TBC1D8B: variants seen among roughly 807,000 people sequenced by gnomAD.
TBC1D8B encodes the protein TBC1 domain family member 8B.
TBC1D8B carries 75 observed loss-of-function variants against 82.9 expected under a neutral mutation model. That is an observed-to-expected ratio of 0.90 (90% confidence interval 0.75 to 1.10). TBC1D8B has a LOEUF of 1.10. TBC1D8B is among the 50% of genes least tolerant of loss of function. The pLI, the probability that TBC1D8B is intolerant of heterozygous loss-of-function variation, is 0.00. For missense variants in TBC1D8B, 794 were observed against 796.9 expected (o/e 1.00, Z 0.04); for synonymous variants, 276 against 276.8 (o/e 1.00, Z 0.03).
rs1932827549 is a variant in TBC1D8B at position 106,868,437 on chromosome X, C to T, written c.2773C>T (p.Leu925Phe). 3 of 1,001,977 alleles carry T rather than the reference C, an allele frequency of 3.0e-6. No individual in the cohort carries two copies. Among genetic ancestry groups the T allele is most frequent in the Non-Finnish European group, 2.6e-6 (2 of 781,640 alleles). The allele number at this position is 1,001,977 out of a possible 1,213,427, so 82.6% of individuals were successfully genotyped here. A position where few individuals can be genotyped will look rare whatever the true frequency, so the allele number is the denominator to read the frequency against. ...KSKDASKGDE[L>F]SKEELLYFSQ... Reference sequence around the variant, plus strand: ...TAAGGATGCTTCAAAAGGAGATGAACTTTCCAAGGAAGAATTACTTTATTT... The same window carrying T: ...TAAGGATGCTTCAAAAGGAGATGAATTTTCCAAGGAAGAATTACTTTATTT... Residue 925 changes from leucine to phenylalanine, a missense_variant, in exon 18 of 21, where the codon CTT becomes TTT. Leu to Phe is a conservative substitution (Grantham distance 22, BLOSUM62 0). Coordinates refer to ENST00000357242, the MANE Select transcript of TBC1D8B (RefSeq NM_017752.3).
At chrX:106,818,797 A>G (rs758592972) in intron 2 of TBC1D8B, 24 bp downstream of exon 2, 37 of 1,098,508 alleles carry the variant, frequency 3.4e-5, no homozygotes, top group Non-Finnish European at 4.6e-5. Context: ...TTAAAACATA[A>G]TTCAAATTAA....
intron 7 of TBC1D8B, 23 bp from the exon 8 acceptor site, chrX:106,839,285 C>A: frequency 9.0e-7 from 1 of 1,116,796 alleles, no homozygotes; most frequent in African/African-American, 1.8e-5. Flanking sequence ...GCATCTGGGA[C>A]AACTACATTC....
Position 106,808,658 on chromosome X carries a change from G to A in TBC1D8B, c.130+5675G>A, listed in dbSNP as rs778261419. Among the ~76,000 whole-genome samples, 8 of 112,163 alleles carry A rather than the reference G, an allele frequency of 7.1e-5. No homozygotes were observed. The South Asian group carries it at 2.3e-3, about 32-fold the overall frequency. On this transcript the variant is annotated intron_variant, in intron 1 of 20. Transcript: ENST00000357242. ...CATCATTTCCTTTTGATCTGTCATCGCCCAAAACCTGGAAGTTCTCAAACA... is the reference window on the plus strand; with the variant it reads ...CATCATTTCCTTTTGATCTGTCATCACCCAAAACCTGGAAGTTCTCAAACA...
chrX:106,811,136 G>C (rs1931356751), intron 1 of TBC1D8B, among the ~76,000 whole-genome samples: 1 of 111,934 alleles, frequency 8.9e-6, no homozygotes, highest in African/African-American at 3.3e-5. Flanking sequence ...CTTGATTTCA[G>C]AGAATAAAAT....
chrX:106,818,751 A>T lies in TBC1D8B; in HGVS notation c.219A>T (p.Gln73His). The change falls in exon 2 of 21, where the codon CAA becomes CAT. Residue 73 changes from glutamine to histidine, a missense_variant. Coordinates refer to ENST00000357242, the MANE Select transcript of TBC1D8B (RefSeq NM_017752.3). ...FRILHQTPDS[Q>H]VYLSIACGAN... Reference sequence around the variant, plus strand: ...TCCTACACCAGACACCAGATTCTCAAGTTTACTTGTCAATTGCATGTGGTG... The same window carrying T: ...TCCTACACCAGACACCAGATTCTCATGTTTACTTGTCAATTGCATGTGGTG... 8.3e-7 allele frequency: 1 copy of T among 1,203,708 alleles called. No homozygotes were observed. The highest frequency in any genetic ancestry group is 1.1e-6 in the Non-Finnish European group (1 of 889,758).
intron 2 of TBC1D8B, among the ~76,000 whole-genome samples, chrX:106,819,529 ATATAT>A (rs1333701484): frequency 9.0e-6 from 1 of 111,222 alleles, no homozygotes; most frequent in Non-Finnish European, 1.9e-5. Flanking sequence ...TCTAAAGTAG[ATATAT>A]TATAATTTTT....
At chrX:106,852,004 T>G (rs1179778451) in intron 12 of TBC1D8B, among the ~76,000 whole-genome samples, 1 of 109,794 alleles carries the variant, frequency 9.1e-6, no homozygotes, top group African/African-American at 3.3e-5. Flanking sequence ...ACTTCCACAA[T>G]GGTTGAACTA....
intron 7 of TBC1D8B, among the ~76,000 whole-genome samples, chrX:106,830,454 C>T (rs1275139021): frequency 9.0e-6 from 1 of 111,119 alleles, no homozygotes; most frequent in East Asian, 2.8e-4. Context: ...GGTATATACC[C>T]AAAGGACTAT....
Position 106,874,127 on chromosome X carries a change from T to C in TBC1D8B, c.*162T>C, listed in dbSNP as rs745693329. 89 of 426,593 alleles carry C rather than the reference T, an allele frequency of 2.1e-4. No individual in the cohort carries two copies. The highest frequency in any genetic ancestry group is 4.6e-4 in the Middle Eastern group (1 of 2,179). The allele number at this position is 426,593 out of a possible 1,213,427, so 35.2% of individuals were successfully genotyped here. A position where few individuals can be genotyped will look rare whatever the true frequency, so the allele number is the denominator to read the frequency against. On this transcript the variant is annotated 3_prime_UTR_variant, in exon 21 of 21. Coordinates refer to ENST00000357242, the MANE Select transcript of TBC1D8B (RefSeq NM_017752.3). ...TGCATCATTCCTTTGTTGTTGATAATGGGCTTTGTTAGCACTTTTTAAAAC... is the reference window on the plus strand; with the variant it reads ...TGCATCATTCCTTTGTTGTTGATAACGGGCTTTGTTAGCACTTTTTAAAAC...
intron 20 of TBC1D8B, among the ~76,000 whole-genome samples, chrX:106,871,800 C>T (rs1263875119): frequency 1.8e-5 from 2 of 111,968 alleles, no homozygotes; most frequent in East Asian, 5.6e-4. Context: ...ACTTACAGAA[C>T]TCAGAGAAAT....
chrX:106,846,791 T>C (rs1433638709), intron 10 of TBC1D8B, among the ~76,000 whole-genome samples: 6 of 111,600 alleles, frequency 5.4e-5, no homozygotes, highest in African/African-American at 1.6e-4. Context: ...TATGAAAGTA[T>C]AAAAATGAGC....
chrX:106,867,853 C>T (rs1932824262), intron 17 of TBC1D8B, among the ~76,000 whole-genome samples: 1 of 111,061 alleles, frequency 9.0e-6, no homozygotes, highest in Non-Finnish European at 1.9e-5. Flanking sequence ...AGACAAATCA[C>T]CTAAAAATTT....
intron 13 of TBC1D8B, among the ~76,000 whole-genome samples, chrX:106,853,865 C>T (rs1003678497): frequency 8.9e-5 from 10 of 111,981 alleles, no homozygotes; most frequent in Non-Finnish European, 1.1e-4. Flanking sequence ...ATTAAATTCA[C>T]TTGCTTTCAC....
intron 8 of TBC1D8B, 24 bp downstream of exon 8, chrX:106,839,481 C>T: frequency 9.0e-7 from 1 of 1,106,670 alleles, no homozygotes; most frequent in Non-Finnish European, 1.2e-6. Flanking sequence ...ATATTTAAAC[C>T]TATGGGCTGA....
intron 19 of TBC1D8B, among the ~76,000 whole-genome samples, chrX:106,870,175 C>T (rs1260748697): frequency 3.6e-5 from 4 of 110,973 alleles, no homozygotes; most frequent in East Asian, 2.8e-4. Flanking sequence ...GGACTACAGG[C>T]GCCCACCACC....
chrX:106,852,522 T>A (rs1932611464), intron 12 of TBC1D8B, among the ~76,000 whole-genome samples: 1 of 111,790 alleles, frequency 8.9e-6, no homozygotes, highest in South Asian at 3.8e-4. Context: ...TTGCCTAGGT[T>A]TTCTTCTAGG....
At chrX:106,819,252 T>G (rs1931632238) in intron 2 of TBC1D8B, among the ~76,000 whole-genome samples, 1 of 111,281 alleles carries the variant, frequency 9.0e-6, no homozygotes, top group Admixed American at 9.6e-5. Flanking sequence ...CATCATATCC[T>G]TGAAATATGA....
intron 14 of TBC1D8B, among the ~76,000 whole-genome samples, chrX:106,859,006 A>G (rs1401467534): frequency 8.9e-6 from 1 of 111,891 alleles, no homozygotes; most frequent in Non-Finnish European, 1.9e-5. Context: ...TTTGTTAAAG[A>G]TCAGATGGTT....
At chrX:106,822,981 A>G (rs1227439693) in intron 4 of TBC1D8B, among the ~76,000 whole-genome samples, 1 of 111,524 alleles carries the variant, frequency 9.0e-6, no homozygotes, top group Non-Finnish European at 1.9e-5. Flanking sequence ...ACCTCACTCC[A>G]GTCTGAGCAA....
Sources: allele counts gnomAD v4.1 joint callset (sites outside exome capture counted in the v4.1 genomes callset), GRCh38; gene constraint gnomAD v4.1.1; transcripts MANE v1.5; gene names NCBI Gene and HGNC (gene_info 2026-07-23, HGNC 2026-07-21).